The following DAZAP1 variants were observed in gnomAD, a reference collection of about 807,000 sequenced individuals.
DAZAP1 encodes the protein DAZ associated protein 1.
Under a neutral mutation model 60.1 loss-of-function variants are expected in DAZAP1, and 6 were observed. The observed-to-expected ratio is 0.10, with a 90% CI of 0.05 to 0.20. The LOEUF is 0.20. Among genes scored for constraint, DAZAP1 ranks in the 10% least tolerant of loss-of-function variants. The pLI is 1.00. For missense variants in DAZAP1, 366 were observed against 560.4 expected (o/e 0.65, Z 3.50); for synonymous variants, 235 against 215.9 (o/e 1.09, Z -0.78).
chr19:1,432,659 A>T lies in DAZAP1; in HGVS notation c.1017A>T (p.Thr339=). ...CCCCGGACATGAGCAAGCCCCCGAC[A>T]GCTCAGCCAGACTTCCCCTATGGTC... ...QAAPDMSKPP[T]AQPDFPYGQY... is the part of the protein sequence containing the mutation. Residue 339 remains threonine (T), a synonymous_variant, in exon 11 of 12, where the codon ACA becomes ACT. Transcript: ENST00000233078. This position sits in a 1 kb window ranked among gnomAD's most constrained non-coding sequence, Gnocchi z 4.9. 1.9e-6 allele frequency: 3 copies of T among 1,611,368 alleles called. No homozygotes were observed. The highest frequency in any genetic ancestry group is 2.5e-6 in the Non-Finnish European group (3 of 1,178,794).
chr19:1,420,421 A>G (rs2083121528), intron 4 of DAZAP1, among the ~76,000 whole-genome samples: 1 of 151,834 alleles, frequency 6.6e-6, no homozygotes. Flanking sequence ...CTCACCCTCA[A>G]AGGTTTATAG....
Position 1,434,779 on chromosome 19 carries a change from C to T in DAZAP1, c.1091C>T (p.Ser364Leu), listed in dbSNP as rs2083553723. ...QDLSGFGQGFSDPSQQPPSYG... is the reference protein window; with the variant it reads ...QDLSGFGQGFLDPSQQPPSYG... ...TTGAGTGGCTTCGGACAGGGCTTCT[C>T]AGACCCCAGCCAGCAGCCTCCTTCC... is the stretch of plus-strand genomic sequence containing the variant. Residue 364 changes from serine to leucine, a missense_variant, in exon 12 of 12, where the codon TCA becomes TTA. Around this residue, in one of 3 missense-constraint regions of DAZAP1, gnomAD observed 240 missense variants for 308.8 expected, o/e 0.78. Transcript: ENST00000233078. The surrounding 1 kb of genome is among the most constrained non-coding windows in gnomAD (Gnocchi z 8.0). The T allele has an allele frequency of 1.2e-6, 2 of 1,612,908 alleles. No homozygotes were observed. The highest frequency in any genetic ancestry group is 1.7e-6 in the Non-Finnish European group (2 of 1,179,540).
At position 1,430,270 on chromosome 19, in the gene DAZAP1, C is replaced by CCCCCCTAACCACCAAAAA; in HGVS notation, c.779_780insCCCCCTAACCACCAAAAA (p.Pro261_Phe262insLeuThrThrLysLysPro). 1.5e-6 allele frequency: 2 copies of CCCCCCTAACCACCAAAAA among 1,368,654 alleles called. No individual in the cohort carries two copies. The highest frequency in any genetic ancestry group is 1.0e-6 in the Non-Finnish European group (1 of 979,208). The allele number at this position is 1,368,654 out of a possible 1,614,324, so 84.8% of individuals were successfully genotyped here. On this transcript the variant is annotated inframe_insertion, in exon 10 of 12. Transcript: ENST00000233078. ...GGAAGAGGAGCCCCCCCGCCACCCC[C>CCCCCCTAACCACCAAAAA]ACCGTTCACCTCCTACATCGTGTCC...
In DAZAP1 at chr19:1,435,131, TCAA is replaced by T; in HGVS notation, c.*225_*227del. On this transcript the variant is annotated 3_prime_UTR_variant, in exon 12 of 12. Coordinates refer to ENST00000233078, the MANE Select transcript of DAZAP1 (RefSeq NM_018959.4). ...AGCACAATAAAAAAAAGTCACTGGT[TCAA>T]CAACAGGGTTTAAAAAAAATGTCTT... 1 of 329,936 alleles carries T rather than the reference TCAA, an allele frequency of 3.0e-6. No homozygotes were observed. Among genetic ancestry groups the T allele is most frequent in the Non-Finnish European group, 5.4e-6 (1 of 183,938 alleles). The allele number at this position is 329,936 out of a possible 1,614,324, so 20.4% of individuals were successfully genotyped here.
chr19:1,424,862 C>T (rs1439906736), intron 6 of DAZAP1, among the ~76,000 whole-genome samples: 2 of 152,168 alleles, frequency 1.3e-5, no homozygotes, highest in East Asian at 1.9e-4. Flanking sequence ...GGCCCCGCCT[C>T]GGGAGGACGG....
chr19:1,432,228 A>C lies in DAZAP1; in HGVS notation c.872-286A>C, dbSNP rs2083469974. The C allele has an allele frequency of 2.0e-6, 1 of 501,076 alleles. No individual in the cohort carries two copies. The highest frequency in any genetic ancestry group is 2.5e-5 in the South Asian group (1 of 40,676). 31.0% of individuals were successfully genotyped at this position (501,076 alleles called of 1,614,324 possible). On this transcript the variant is annotated intron_variant, in intron 10 of 11. Coordinates refer to ENST00000233078, the MANE Select transcript of DAZAP1 (RefSeq NM_018959.4). The surrounding 1 kb of genome is among the most constrained non-coding windows in gnomAD (Gnocchi z 4.9). Reference sequence around the variant, plus strand: ...TTGCTGTGAGGTTACTTGCTCCTTGAGTTCTTGTCTGAGGCCCACCTGGCG... The same window carrying C: ...TTGCTGTGAGGTTACTTGCTCCTTGCGTTCTTGTCTGAGGCCCACCTGGCG...
At position 1,423,821 on chromosome 19, in the gene DAZAP1, C is replaced by T. The variant is rs961496806; in HGVS notation, c.463+1425C>T. On this transcript the variant is annotated intron_variant, in intron 6 of 11. Coordinates refer to ENST00000233078, the MANE Select transcript of DAZAP1 (RefSeq NM_018959.4). This position sits in a 1 kb window ranked among gnomAD's most constrained non-coding sequence, Gnocchi z 6.8. ...CCTCCGGCTGCCCAGAGCTGGCGCC[C>T]CTTCTCCTCGCGTCCTGTCCTGTCC... Among the ~76,000 whole-genome samples the T allele has an allele frequency of 1.3e-5, 2 of 152,154 alleles. No individual in the cohort carries two copies. The highest frequency in any genetic ancestry group is 4.8e-5 in the African/African-American group (2 of 41,446).
intron 6 of DAZAP1, among the ~76,000 whole-genome samples, chr19:1,424,782 C>T (rs2083264961): frequency 6.6e-6 from 1 of 152,216 alleles, no homozygotes; most frequent in Non-Finnish European, 1.5e-5. Flanking sequence ...CCATGTCCAT[C>T]TTTGTTCTGT....
chr19:1,424,864 G>A (rs1209697700), intron 6 of DAZAP1, among the ~76,000 whole-genome samples: 1 of 152,200 alleles, frequency 6.6e-6, no homozygotes, highest in Non-Finnish European at 1.5e-5. Flanking sequence ...CCCCGCCTCG[G>A]GAGGACGGTG....
At chr19:1,431,529 A>G (rs2083452463) in intron 10 of DAZAP1, among the ~76,000 whole-genome samples, 1 of 151,962 alleles carries the variant, frequency 6.6e-6, no homozygotes, top group Non-Finnish European at 1.5e-5. Flanking sequence ...TCCTGGGTTC[A>G]AGCGACTCTC....
At position 1,423,396 on chromosome 19, in the gene DAZAP1, G is replaced by C. The variant is rs1395709385; in HGVS notation, c.463+1000G>C. Among the ~76,000 whole-genome samples the C allele has an allele frequency of 1.3e-5, 2 of 152,264 alleles. No homozygotes were observed. Among genetic ancestry groups the C allele is most frequent in the Non-Finnish European group, 2.9e-5 (2 of 68,048 alleles). The stretch of plus-strand genomic sequence containing the variant: ...TTTTCCTTTTCTCTCTGTGAATTGT[G>C]TGTGATTAACGATATCTCTTTAGAT... On this transcript the variant is annotated intron_variant, in intron 6 of 11. Transcript: ENST00000233078. This position sits in a 1 kb window ranked among gnomAD's most constrained non-coding sequence, Gnocchi z 6.8.
At chr19:1,411,441 C>T (rs1197735670) in intron 1 of DAZAP1, among the ~76,000 whole-genome samples, 2 of 152,204 alleles carry the variant, frequency 1.3e-5, no homozygotes, top group African/African-American at 4.8e-5. Context: ...CCTGGTTGCC[C>T]CTGCGCTGGG....
In DAZAP1 at chr19:1,433,966, G is replaced by A. The variant is rs777366334; in HGVS notation, c.1049-771G>A. 1.4e-6 allele frequency: 1 copy of A among 735,128 alleles called. No homozygotes were observed. The highest frequency in any genetic ancestry group is 2.2e-6 in the Non-Finnish European group (1 of 444,808). The allele number at this position is 735,128 out of a possible 1,614,324, so 45.5% of individuals were successfully genotyped here. A position where few individuals can be genotyped will look rare whatever the true frequency, so the allele number is the denominator to read the frequency against. Reference sequence around the variant, plus strand: ...GGCCCTTGCCGGTGCCAAGACATTGGCCACAAGCCTTCAGCGGGCCCAGGA... The same window carrying A: ...GGCCCTTGCCGGTGCCAAGACATTGACCACAAGCCTTCAGCGGGCCCAGGA... On this transcript the variant is annotated intron_variant, in intron 11 of 11. Transcript: ENST00000233078. This position sits in a 1 kb window ranked among gnomAD's most constrained non-coding sequence, Gnocchi z 6.1.
At chr19:1,411,811 G>A (rs561571726) in intron 1 of DAZAP1, among the ~76,000 whole-genome samples, 44 of 152,338 alleles carry the variant, frequency 2.9e-4, no homozygotes, top group African/African-American at 1.1e-3. Context: ...TGCCCGCCCC[G>A]CACAGAGGGC....
intron 10 of DAZAP1, among the ~76,000 whole-genome samples, 177 bp downstream of exon 10, chr19:1,430,539 G>C (rs527258155): frequency 6.6e-6 from 1 of 152,306 alleles, no homozygotes; most frequent in East Asian, 1.9e-4. Context: ...TCCATCGCCT[G>C]TGGCCTCGCT....
At chr19:1,411,328 G>A (rs1262376081) in intron 1 of DAZAP1, among the ~76,000 whole-genome samples, 1 of 152,236 alleles carries the variant, frequency 6.6e-6, no homozygotes, top group Non-Finnish European at 1.5e-5. Context: ...CATTCACTCC[G>A]GGTCAGGAGT....
rs575325125 is a variant in DAZAP1, at chr19:1,423,986, G to A, written c.463+1590G>A. 1.3e-5 allele frequency among the ~76,000 whole-genome samples: 2 copies of A among 152,348 alleles called. No homozygotes were observed. Among genetic ancestry groups the A allele is most frequent in the Non-Finnish European group, 2.9e-5 (2 of 68,018 alleles). On this transcript the variant is annotated intron_variant, in intron 6 of 11. Transcript: ENST00000233078. The surrounding 1 kb of genome is among the most constrained non-coding windows in gnomAD (Gnocchi z 6.8). Reference sequence around the variant, plus strand: ...TGTCAGGCGAGTGGAGGGCCGGAGAGACGCTGCGGCGCTGCTTAGCGGGTC... The same window carrying A: ...TGTCAGGCGAGTGGAGGGCCGGAGAAACGCTGCGGCGCTGCTTAGCGGGTC...
At chr19:1,417,658 T>G (rs1293162767) in intron 2 of DAZAP1, 118 bp downstream of exon 2, 1 of 975,666 alleles carries the variant, frequency 1.0e-6, no homozygotes, top group Non-Finnish European at 1.5e-6. Flanking sequence ...CTTTTGACGT[T>G]GTTCTGATTT....
At chr19:1,431,533 G>A (rs1003834491) in intron 10 of DAZAP1, among the ~76,000 whole-genome samples, 2 of 149,950 alleles carry the variant, frequency 1.3e-5, no homozygotes, top group African/African-American at 4.9e-5. Flanking sequence ...GGGTTCAAGC[G>A]ACTCTCCTGC....
Sources: allele counts gnomAD v4.1 joint callset (sites outside exome capture counted in the v4.1 genomes callset), GRCh38; gene constraint gnomAD v4.1.1; regional missense constraint gnomAD v4.1.1; non-coding constraint Gnocchi (gnomAD v3.1); transcripts MANE v1.5; gene names NCBI Gene and HGNC (gene_info 2026-07-23, HGNC 2026-07-21).